The following SLC9A9 variants were observed in gnomAD, a reference collection of about 807,000 sequenced individuals.
SLC9A9 encodes sodium/hydrogen exchanger 9.
A neutral mutation model predicts 77.8 loss-of-function variants in SLC9A9; 62 were observed. The ratio of observed to expected loss-of-function variants is 0.80; its 90% CI spans 0.65 to 0.98. SLC9A9 has a LOEUF of 0.98. Ranked by LOEUF, SLC9A9 falls within the 50% of genes least tolerant of loss-of-function variation. The pLI is 0.00. For missense variants in SLC9A9, 775 were observed against 774.9 expected, an observed-to-expected ratio of 1.00 and a Z score of 0.00; for synonymous variants, 320 against 283.5, an observed-to-expected ratio of 1.13 and a Z score of -1.29.
intron 4 of SLC9A9, among the ~76,000 whole-genome samples, chr3:143,783,430 G>A (rs112162513): frequency 5.9e-5 from 9 of 152,212 alleles, no homozygotes; most frequent in African/African-American, 1.9e-4. Context: ...CAGATGAGGA[G>A]TCATTTCCCC....
rs146227853 is a variant in SLC9A9, at chr3:143,565,911, G to A, written c.1000+8177C>T. 3.6e-4 allele frequency among the ~76,000 whole-genome samples: 55 copies of A among 152,168 alleles called. 1 individual carries two copies. The highest frequency in any genetic ancestry group is 1.3e-3 in the African/African-American group (53 of 41,536). On this transcript the variant is annotated intron_variant, in intron 8 of 15. Coordinates refer to ENST00000316549, the MANE Select transcript of SLC9A9 (RefSeq NM_173653.4). ...AACAATTCAAACGAAGTCCCCTCCT[G>A]GAGATTTGTTTTATTTACTGAGCTC...
At chr3:143,621,000 A>G (rs2038200695) in intron 6 of SLC9A9, among the ~76,000 whole-genome samples, 1 of 152,152 alleles carries the variant, frequency 6.6e-6, no homozygotes, top group Non-Finnish European at 1.5e-5. Flanking sequence ...TCCTATGCCC[A>G]TGGAGCCTCG....
At chr3:143,322,634 A>G (rs1035563304) in intron 14 of SLC9A9, among the ~76,000 whole-genome samples, 1 of 152,192 alleles carries the variant, frequency 6.6e-6, no homozygotes, top group Non-Finnish European at 1.5e-5. Context: ...ACCTCATTTT[A>G]CCTTTGAACT....
intron 6 of SLC9A9, among the ~76,000 whole-genome samples, chr3:143,643,464 C>T (rs866843522): frequency 6.6e-5 from 10 of 152,184 alleles, no homozygotes; most frequent in African/African-American, 2.4e-4. Flanking sequence ...AACCTTTAGA[C>T]AGGGTTCTGA....
chr3:143,480,086 G>A (rs1454455259), intron 11 of SLC9A9, among the ~76,000 whole-genome samples: 1 of 152,202 alleles, frequency 6.6e-6, no homozygotes, highest in Non-Finnish European at 1.5e-5. Flanking sequence ...AGGTTTGAAC[G>A]GGTTTAATCA....
intron 6 of SLC9A9, among the ~76,000 whole-genome samples, chr3:143,647,871 T>G (rs939408507): frequency 3.3e-5 from 5 of 152,232 alleles, no homozygotes; most frequent in Non-Finnish European, 7.3e-5. Context: ...TTAGACAGTA[T>G]GTCTTAACTA....
intron 9 of SLC9A9, among the ~76,000 whole-genome samples, chr3:143,516,271 T>C (rs1413817529): frequency 1.3e-5 from 2 of 151,748 alleles, no homozygotes; most frequent in Admixed American, 1.3e-4. Flanking sequence ...ATTGTCTATT[T>C]TATTTGTCTT....
chr3:143,502,828 C>A (rs542030930), intron 9 of SLC9A9, among the ~76,000 whole-genome samples: 2 of 152,226 alleles, frequency 1.3e-5, no homozygotes, highest in East Asian at 3.9e-4. Context: ...CAGAATTAAT[C>A]TTGGCTTATA....
In SLC9A9 at chr3:143,834,563, G is replaced by A. The variant is rs540451112; in HGVS notation, c.176-2342C>T. Reference sequence around the variant, plus strand: ...ATGTCATTTGTAATTCCTAGTGGGCGAGGCACTCTTTTTTTTTTTTTTTTT... The same window carrying A: ...ATGTCATTTGTAATTCCTAGTGGGCAAGGCACTCTTTTTTTTTTTTTTTTT... On this transcript the variant is annotated intron_variant, in intron 1 of 15. Transcript: ENST00000316549. Among the ~76,000 whole-genome samples, 6 of 135,194 alleles carry A rather than the reference G, an allele frequency of 4.4e-5. No homozygotes were observed. In the South Asian group the frequency reaches 1.0e-3, roughly 22 times the overall value. 88.7% of individuals were successfully genotyped at this position (135,194 alleles called of 152,430 possible). A position where few individuals can be genotyped will look rare whatever the true frequency, so the allele number is the denominator to read the frequency against.
chr3:143,336,914 T>A lies in SLC9A9; in HGVS notation c.1604+26570A>T, dbSNP rs192574883. On this transcript the variant is annotated intron_variant, in intron 14 of 15. Transcript: ENST00000316549. ...TTTACTACATTAATATTTAAAAAAA[T>A]TTTTTAAAATACAGAAAATCTTAAA... is the stretch of plus-strand genomic sequence containing the variant. Among the ~76,000 whole-genome samples, 376 of 152,242 alleles carry A rather than the reference T, an allele frequency of 2.5e-3. 8 individuals are homozygous for A. The East Asian group carries it at 0.035, about 14-fold the overall frequency.
chr3:143,533,062 T>G (rs1357732222), intron 9 of SLC9A9, among the ~76,000 whole-genome samples: 2 of 152,232 alleles, frequency 1.3e-5, no homozygotes, highest in Non-Finnish European at 2.9e-5. Flanking sequence ...AGGTTTTCAC[T>G]AACTGCCCAT....
At chr3:143,820,406 G>C (rs976279383) in intron 2 of SLC9A9, among the ~76,000 whole-genome samples, 2 of 152,186 alleles carry the variant, frequency 1.3e-5, no homozygotes, top group African/African-American at 4.8e-5. Flanking sequence ...TAAGATTCTT[G>C]ATGCACAAAC....
At chr3:143,419,767 A>C (rs188612746) in intron 12 of SLC9A9, among the ~76,000 whole-genome samples, 1 of 152,180 alleles carries the variant, frequency 6.6e-6, no homozygotes, top group Non-Finnish European at 1.5e-5. Context: ...CCACAGGCAC[A>C]AGGCCCTATG....
chr3:143,627,807 G>A (rs182464589), intron 6 of SLC9A9: 2 of 152,364 alleles, frequency 1.3e-5, no homozygotes, highest in East Asian at 3.9e-4. Flanking sequence ...CCCTATGAAT[G>A]GATTTAGTTC....
chr3:143,678,028 G>A (rs1429132050), intron 5 of SLC9A9, among the ~76,000 whole-genome samples: 2 of 151,838 alleles, frequency 1.3e-5, no homozygotes, highest in African/African-American at 4.8e-5. Flanking sequence ...GGGTTTCACC[G>A]TGTTAGCCAG....
chr3:143,404,130 TACTTTC>T (rs1427114991), intron 12 of SLC9A9, among the ~76,000 whole-genome samples: 3 of 151,970 alleles, frequency 2.0e-5, no homozygotes, highest in South Asian at 2.1e-4. Context: ...TTTGTTATTA[TACTTTC>T]ACCTCAAGAA....
chr3:143,697,014 A>G lies in SLC9A9; in HGVS notation c.534-3707T>C, dbSNP rs566915840. On this transcript the variant is annotated intron_variant, in intron 4 of 15. Transcript: ENST00000316549. ...TATGTACCAAAAGATGTGAATTTAG[A>G]TCAAGATTCCTGTTATTTACAAGAA... Among the ~76,000 whole-genome samples, 32 of 152,112 alleles carry G rather than the reference A, an allele frequency of 2.1e-4. No homozygotes were observed. The South Asian group carries it at 2.5e-3, about 12-fold the overall frequency.
chr3:143,373,845 A>T (rs1174529097), intron 13 of SLC9A9, among the ~76,000 whole-genome samples: 4 of 152,134 alleles, frequency 2.6e-5, no homozygotes, highest in African/African-American at 9.6e-5. Flanking sequence ...AGCCTAATGT[A>T]TATAAGATTG....
intron 14 of SLC9A9, among the ~76,000 whole-genome samples, chr3:143,307,984 G>T (rs2030864879): frequency 6.6e-6 from 1 of 152,134 alleles, no homozygotes; most frequent in Non-Finnish European, 1.5e-5. Context: ...ACTCTACTTT[G>T]CCATGTGACC....
Sources: gnomAD v4.1 joint callset for allele counts (sites outside exome capture counted in the v4.1 genomes callset) on GRCh38, gnomAD v4.1.1 for gene constraint, MANE v1.5 for transcripts, NCBI Gene and HGNC (gene_info 2026-07-23, HGNC 2026-07-21) for gene names.